The following KANK4 variants were observed in gnomAD, a reference collection of about 807,000 sequenced individuals.
KANK4 encodes the protein KN motif and ankyrin repeat domains 4.
Under a neutral mutation model 80.8 loss-of-function variants are expected in KANK4, and 50 were observed. The ratio of observed to expected loss-of-function variants is 0.62; its 90% CI spans 0.49 to 0.78. The LOEUF (loss-of-function observed/expected upper bound fraction) is 0.78, where lower values mean the gene tolerates loss of function less well. KANK4 is among the 30% of genes least tolerant of loss of function. KANK4 has a pLI of 0.00. For missense variants in KANK4, 1,196 were observed against 1,240.1 expected, an observed-to-expected ratio of 0.96 and a Z score of 0.53; for synonymous variants, 465 against 506.9, an observed-to-expected ratio of 0.92 and a Z score of 1.11.
At chr1:62,260,881 C>T (rs1290128976) in intron 7 of KANK4, among the ~76,000 whole-genome samples, 1 of 152,196 alleles carries the variant, frequency 6.6e-6, no homozygotes, top group Non-Finnish European at 1.5e-5. Context: ...AAAGAGGACT[C>T]CTCTCCTAAA....
chr1:62,247,281 G>A (rs926237753), intron 9 of KANK4, among the ~76,000 whole-genome samples, 191 bp downstream of exon 9: 4 of 151,340 alleles, frequency 2.6e-5, no homozygotes, highest in African/African-American at 9.7e-5. Context: ...AAGGCACTCT[G>A]AGGAGGGGAA....
chr1:62,274,136 A>C lies in KANK4; in HGVS notation c.968T>G (p.Ile323Ser), dbSNP rs757446809. ...GCTTTCCTCAGTTACCCTGATGCCA[A>C]TGCTTCTCATGTCCACCTCTACAGG... ...PPPVEVDMRS[I>S]GIRVTEESLG... is the part of the protein sequence containing the mutation. Residue 323 changes from isoleucine to serine, a missense_variant, in exon 3 of 10, where the codon ATT becomes AGT. Ile to Ser is a moderately radical substitution (Grantham distance 142, BLOSUM62 -2). Coordinates refer to ENST00000371153, the MANE Select transcript of KANK4 (RefSeq NM_181712.5). 13 of 1,613,994 alleles carry C rather than the reference A, an allele frequency of 8.1e-6. No individual in the cohort carries two copies. The highest frequency in any genetic ancestry group is 2.7e-5 in the African/African-American group (2 of 74,894).
At position 62,273,887 on chromosome 1, in the gene KANK4, G is replaced by C; in HGVS notation, c.1217C>G (p.Thr406Ser). The C allele has an allele frequency of 6.2e-7, 1 of 1,614,208 alleles. No homozygotes were observed. Among genetic ancestry groups the C allele is most frequent in the East Asian group, 2.2e-5 (1 of 44,878 alleles). Residue 406 changes from threonine (T) to serine (S), a missense_variant, in exon 3 of 10, where the codon ACT becomes AGT. Coordinates refer to ENST00000371153, the MANE Select transcript of KANK4 (RefSeq NM_181712.5). ...CACCATCACGTCCGTCTGGCCCTGA[G>C]TGTCTTTGGCGTTCTCTTGGTGAAA... ...GQFHQENAKDTQGQTDVMVNT... is the reference protein window; with the variant it reads ...GQFHQENAKDSQGQTDVMVNT...
chr1:62,317,894 G>C (rs1258188166), intron 1 of KANK4, among the ~76,000 whole-genome samples: 6 of 152,172 alleles, frequency 3.9e-5, no homozygotes, highest in Non-Finnish European at 7.3e-5. Flanking sequence ...AGCATTTGTT[G>C]ATTGAATCAG....
At chr1:62,252,076 A>G (rs1470202445) in intron 8 of KANK4, among the ~76,000 whole-genome samples, 1 of 152,012 alleles carries the variant, frequency 6.6e-6, no homozygotes, top group Admixed American at 6.6e-5. Flanking sequence ...CAAATGGGCT[A>G]CTTTGGTAGT....
At chr1:62,302,038 A>G (rs1045636921) in intron 1 of KANK4, among the ~76,000 whole-genome samples, 1 of 151,990 alleles carries the variant, frequency 6.6e-6, no homozygotes, top group Admixed American at 6.6e-5. Context: ...CAGAAACACA[A>G]AGGGGGTCAG....
At chr1:62,268,075 A>G (rs1012289665) in intron 5 of KANK4, among the ~76,000 whole-genome samples, 5 of 152,216 alleles carry the variant, frequency 3.3e-5, no homozygotes, top group Non-Finnish European at 7.3e-5. Context: ...CTTTACAGGT[A>G]GATATCGGCT....
chr1:62,286,996 C>G (rs575143692), intron 1 of KANK4, among the ~76,000 whole-genome samples: 75 of 152,288 alleles, frequency 4.9e-4, no homozygotes, highest in Admixed American at 1.2e-3. Flanking sequence ...TCAGTGGATC[C>G]ACTTCCAGGC....
intron 2 of KANK4, 79 bp downstream of exon 2, chr1:62,281,470 T>G: frequency 6.4e-7 from 1 of 1,554,032 alleles, no homozygotes; most frequent in Non-Finnish European, 8.9e-7. Context: ...TCCTAGGCTA[T>G]TTCCAGGATT....
chr1:62,236,707 G>T lies in KANK4; in HGVS notation c.*1570C>A, dbSNP rs1484861988. ...CCTCCCGGGTTCAAGTGAGTCTCCT[G>T]CCTCAGCCTCCCAAGTAGCTGGAAT... is the stretch of plus-strand genomic sequence containing the variant. On this transcript the variant is annotated 3_prime_UTR_variant, in exon 10 of 10. Coordinates refer to ENST00000371153, the MANE Select transcript of KANK4 (RefSeq NM_181712.5). Among the ~76,000 whole-genome samples the T allele has an allele frequency of 6.7e-6, 1 of 149,288 alleles. No homozygotes were observed. Among genetic ancestry groups the T allele is most frequent in the East Asian group, 2.0e-4 (1 of 5,078 alleles).
chr1:62,284,061 A>T (rs1261278907), intron 1 of KANK4, among the ~76,000 whole-genome samples: 1 of 151,990 alleles, frequency 6.6e-6, no homozygotes, highest in Non-Finnish European at 1.5e-5. Context: ...CTCATAATAC[A>T]GGAAGGAAGG....
chr1:62,271,924 C>T (rs944547587), intron 3 of KANK4: 1 of 261,520 alleles, frequency 3.8e-6, no homozygotes, highest in African/African-American at 2.2e-5. Context: ...AGAACGTAGG[C>T]CTCTGGACTC....
intron 3 of KANK4, 66 bp from the exon 4 acceptor site, chr1:62,271,655 G>T: frequency 8.2e-7 from 1 of 1,212,472 alleles, no homozygotes. Flanking sequence ...GCAAAACCAG[G>T]ATATTGCTTT....
chr1:62,256,748 C>T (rs1671761854), intron 7 of KANK4, among the ~76,000 whole-genome samples: 1 of 152,272 alleles, frequency 6.6e-6, no homozygotes, highest in Admixed American at 6.5e-5. Context: ...TCAGTGGAGA[C>T]AGAGGCATCA....
intron 7 of KANK4, among the ~76,000 whole-genome samples, chr1:62,253,985 G>A (rs1447023682): frequency 1.3e-5 from 2 of 152,170 alleles, no homozygotes; most frequent in Non-Finnish European, 1.5e-5. Flanking sequence ...ACCCACGGCT[G>A]TGCATTTTGG....
intron 5 of KANK4, 55 bp downstream of exon 5, chr1:62,268,232 T>G: frequency 7.3e-7 from 1 of 1,378,994 alleles, no homozygotes; most frequent in Non-Finnish European, 1.0e-6. Context: ...GGTAGATATA[T>G]GCCCTTGACC....
chr1:62,284,258 T>G (rs536014612), intron 1 of KANK4, among the ~76,000 whole-genome samples: 1 of 152,206 alleles, frequency 6.6e-6, no homozygotes, highest in South Asian at 2.1e-4. Flanking sequence ...AACATATGCA[T>G]GCTACCTTGT....
intron 1 of KANK4, among the ~76,000 whole-genome samples, chr1:62,288,886 T>C (rs1672625420): frequency 6.6e-6 from 1 of 152,174 alleles, no homozygotes; most frequent in African/African-American, 2.4e-5. Flanking sequence ...GAGCAGGCAA[T>C]TCATCAAAGA....
chr1:62,246,663 C>T (rs1489482756), intron 9 of KANK4, among the ~76,000 whole-genome samples: 1 of 152,046 alleles, frequency 6.6e-6, no homozygotes, highest in African/African-American at 2.4e-5. Flanking sequence ...AGTGGCCTGA[C>T]CATGGCTCAC....
Sources: gnomAD v4.1 joint callset for allele counts (sites outside exome capture counted in the v4.1 genomes callset) on GRCh38, gnomAD v4.1.1 for gene constraint, MANE v1.5 for transcripts, NCBI Gene and HGNC (gene_info 2026-07-23, HGNC 2026-07-21) for gene names.